BRIP1: variants seen among roughly 807,000 people sequenced by gnomAD.
The protein encoded by BRIP1 is BRCA1 interacting DNA helicase 1, also known as Fanconi anemia group J protein.
BRIP1 carries 88 observed loss-of-function variants against 119.7 expected under a neutral mutation model. That is an observed-to-expected ratio of 0.74 (90% CI 0.62 to 0.88). The LOEUF (loss-of-function observed/expected upper bound fraction) is 0.88. Among genes scored for constraint, BRIP1 ranks in the 40% least tolerant of loss-of-function variants. The pLI, the probability that BRIP1 is intolerant of heterozygous loss-of-function variation, is 0.00. For synonymous variants in BRIP1, 443 were observed against 496.5 expected (o/e 0.89, Z 1.43); for missense variants, 1,259 against 1,455.4 (o/e 0.87, Z 2.20).
In BRIP1 at chr17:61,841,862, G is replaced by T. The variant is rs2145703362; in HGVS notation, c.627+5239C>A. 6.6e-6 allele frequency among the ~76,000 whole-genome samples: 1 copy of T among 152,152 alleles called. No homozygotes were observed. The highest frequency in any genetic ancestry group is 1.9e-4 in the East Asian group (1 of 5,172). On this transcript the variant is annotated intron_variant, in intron 6 of 19. Coordinates refer to ENST00000259008, the MANE Select transcript of BRIP1 (RefSeq NM_032043.3). This position sits in a 1 kb window ranked among gnomAD's most constrained non-coding sequence, Gnocchi z 4.1. ...CCTGGCTAATTTTTTTAAAAATTTT[G>T]TACAGATGGGGTTCTCGCTATGTTG...
At chr17:61,741,979 A>G (rs1200583896) in intron 16 of BRIP1, among the ~76,000 whole-genome samples, 1 of 152,214 alleles carries the variant, frequency 6.6e-6, no homozygotes, top group Non-Finnish European at 1.5e-5. Flanking sequence ...ATCTTCTTTC[A>G]ATAGAAGGCT....
At chr17:61,731,296 A>C (rs1479782365) in intron 16 of BRIP1, among the ~76,000 whole-genome samples, 1 of 152,184 alleles carries the variant, frequency 6.6e-6, no homozygotes, top group Non-Finnish European at 1.5e-5. Context: ...TTATATTCAC[A>C]TCCATTTCCC....
Position 61,681,291 on chromosome 17 carries a change from C to T in BRIP1, c.*2005G>A, listed in dbSNP as rs2061266472. On this transcript the variant is annotated 3_prime_UTR_variant, in exon 20 of 20. Transcript: ENST00000259008. This position sits in a 1 kb window ranked among gnomAD's most constrained non-coding sequence, Gnocchi z 5.1. The stretch of plus-strand genomic sequence containing the variant: ...TTTACTTTTTAAATGAAATAATATG[C>T]TTTATTTTAACCGTTCTGGAACAAA... 1 of 202,912 alleles carries T rather than the reference C, an allele frequency of 4.9e-6. No individual in the cohort carries two copies. The highest frequency in any genetic ancestry group is 2.3e-5 in the African/African-American group (1 of 43,590). 12.6% of individuals were successfully genotyped at this position (202,912 alleles called of 1,614,324 possible). A position where few individuals can be genotyped will look rare whatever the true frequency, so the allele number is the denominator to read the frequency against.
At position 61,851,541 on chromosome 17, in the gene BRIP1, G is replaced by A. The variant is rs751125836; in HGVS notation, c.380-2285C>T. Among the ~76,000 whole-genome samples, 7 of 152,070 alleles carry A rather than the reference G, an allele frequency of 4.6e-5. No homozygotes were observed. Among genetic ancestry groups the A allele is most frequent in the Admixed American group, 2.0e-4 (3 of 15,268 alleles). Reference sequence around the variant, plus strand: ...TTCTTCCTTTCCCCTACAAGCTGTAGGGGCACTTCTATAAAAATATCAAGT... The same window carrying A: ...TTCTTCCTTTCCCCTACAAGCTGTAAGGGCACTTCTATAAAAATATCAAGT... On this transcript the variant is annotated intron_variant, in intron 4 of 19. Transcript: ENST00000259008. The surrounding 1 kb of genome is among the most constrained non-coding windows in gnomAD (Gnocchi z 4.6).
intron 17 of BRIP1, among the ~76,000 whole-genome samples, chr17:61,694,728 GAAAT>G (rs2061497742): frequency 6.6e-6 from 1 of 151,828 alleles, no homozygotes; most frequent in African/African-American, 2.4e-5. Context: ...TAGAAAGTGT[GAAAT>G]AATATTTCAT....
rs2061375437 is a variant in BRIP1 at position 61,687,146 on chromosome 17, G to A, written c.2576-981C>T. On this transcript the variant is annotated intron_variant, in intron 18 of 19. Coordinates refer to ENST00000259008, the MANE Select transcript of BRIP1 (RefSeq NM_032043.3). This position sits in a 1 kb window ranked among gnomAD's most constrained non-coding sequence, Gnocchi z 5.1. ...TCCCAGCATTTGGGGAGGCTGAGGT[G>A]GGAAGATTGCTTGAGGCCAGGAGTT... 6.6e-6 allele frequency among the ~76,000 whole-genome samples: 1 copy of A among 152,092 alleles called. No individual in the cohort carries two copies. The highest frequency in any genetic ancestry group is 1.5e-5 in the Non-Finnish European group (1 of 68,040).
chr17:61,680,160 T>TG lies in BRIP1; in HGVS notation c.*3135dup, dbSNP rs1448316720. 7.0e-6 allele frequency among the ~76,000 whole-genome samples: 1 copy of TG among 143,010 alleles called. No individual in the cohort carries two copies. The highest frequency in any genetic ancestry group is 1.5e-5 in the Non-Finnish European group (1 of 66,330). 93.8% of individuals were successfully genotyped at this position (143,010 alleles called of 152,430 possible). On this transcript the variant is annotated 3_prime_UTR_variant, in exon 20 of 20. Transcript: ENST00000259008. ...GAGTTTGAGACCAGCCTGGCCAACA[T>TG]GGTGAAACCCTGTCGATACTTAAAA...
rs2061418821 is a variant in BRIP1 at position 61,689,643 on chromosome 17, A to G, written c.2576-3478T>C. 6.6e-6 allele frequency among the ~76,000 whole-genome samples: 1 copy of G among 152,170 alleles called. No homozygotes were observed. Among genetic ancestry groups the G allele is most frequent in the Non-Finnish European group, 1.5e-5 (1 of 68,022 alleles). On this transcript the variant is annotated intron_variant, in intron 18 of 19. Transcript: ENST00000259008. The surrounding 1 kb of genome is among the most constrained non-coding windows in gnomAD (Gnocchi z 4.5). The stretch of plus-strand genomic sequence containing the variant: ...AAACACTTTATAATCAAAGTGTCAA[A>G]AGTCAAAGAAAACAATAGAAATTTG...
At chr17:61,819,111 G>A (rs962926755) in intron 6 of BRIP1, among the ~76,000 whole-genome samples, 3 of 151,396 alleles carry the variant, frequency 2.0e-5, no homozygotes, top group East Asian at 1.9e-4. Context: ...ACTTGAACCC[G>A]GGAGGCAGAA....
rs1035887836 is a variant in BRIP1 at position 61,712,386 on chromosome 17, G to T, written c.2492+3565C>A. 6.6e-5 allele frequency among the ~76,000 whole-genome samples: 10 copies of T among 151,902 alleles called. No individual in the cohort carries two copies. In the South Asian group the frequency reaches 1.9e-3, roughly 28 times the overall value. The stretch of plus-strand genomic sequence containing the variant: ...ACACCACCATGCCCAGCTAATTTTT[G>T]TATTTTTAGTAGAGACGGGGTTTCA... On this transcript the variant is annotated intron_variant, in intron 17 of 19. Transcript: ENST00000259008.
At position 61,825,392 on chromosome 17, in the gene BRIP1, A is replaced by G. The variant is rs572424499; in HGVS notation, c.628-16635T>C. On this transcript the variant is annotated intron_variant, in intron 6 of 19. Transcript: ENST00000259008. This position sits in a 1 kb window ranked among gnomAD's most constrained non-coding sequence, Gnocchi z 4.1. ...TGGCCAGGGCAATCTGACAAGAGAA[A>G]GAAATAAAGGGCATCCAAATAGGAA... is the stretch of plus-strand genomic sequence containing the variant. Among the ~76,000 whole-genome samples, 3 of 152,202 alleles carry G rather than the reference A, an allele frequency of 2.0e-5. No homozygotes were observed. The South Asian group carries it at 6.2e-4, about 32-fold the overall frequency.
chr17:61,800,465 G>A (rs1185173230), intron 8 of BRIP1, among the ~76,000 whole-genome samples: 2 of 152,174 alleles, frequency 1.3e-5, no homozygotes, highest in East Asian at 3.8e-4. Context: ...GGAGTATGAG[G>A]TAATTTTTGA....
chr17:61,746,843 G>C lies in BRIP1; in HGVS notation c.2098-2252C>G, dbSNP rs1242513465. Among the ~76,000 whole-genome samples the C allele has an allele frequency of 6.6e-6, 1 of 152,076 alleles. No homozygotes were observed. The highest frequency in any genetic ancestry group is 2.4e-5 in the African/African-American group (1 of 41,424). ...ACAATACTAGAGACCAGATGGACCT[G>C]ACATATATAGAACATTTTACCCAAC... is the stretch of plus-strand genomic sequence containing the variant. On this transcript the variant is annotated intron_variant, in intron 14 of 19. Transcript: ENST00000259008. This position sits in a 1 kb window ranked among gnomAD's most constrained non-coding sequence, Gnocchi z 4.9.
In BRIP1 at chr17:61,758,477, T is replaced by C. The variant is rs77654468; in HGVS notation, c.2098-13886A>G. On this transcript the variant is annotated intron_variant, in intron 14 of 19. Transcript: ENST00000259008. The surrounding 1 kb of genome is among the most constrained non-coding windows in gnomAD (Gnocchi z 5.3). The stretch of plus-strand genomic sequence containing the variant: ...ATTGCCATCTGAATCTGCTGTAAAT[T>C]TGTTGCTCTAAAACTTGAAAGAAAT... Among the ~76,000 whole-genome samples the C allele has an allele frequency of 5.2e-4, 79 of 152,308 alleles. 2 individuals are homozygous for C. In the East Asian group the frequency reaches 0.015, roughly 29 times the overall value.
At chr17:61,820,271 C>T (rs2078300772) in intron 6 of BRIP1, among the ~76,000 whole-genome samples, 1 of 152,154 alleles carries the variant, frequency 6.6e-6, no homozygotes, top group African/African-American at 2.4e-5. Flanking sequence ...CCCTCCTTCC[C>T]ACCTAAAACA....
At position 61,804,446 on chromosome 17, in the gene BRIP1, G is replaced by GTGTGTA. The variant is rs140581962; in HGVS notation, c.919-2973_919-2972insTACACA. Among the ~76,000 whole-genome samples the GTGTGTA allele has an allele frequency of 0.049, 6,923 of 140,740 alleles. 520 individuals are homozygous for GTGTGTA. The highest frequency in any genetic ancestry group is 0.13 in the African/African-American group (4,994 of 39,052). The allele number at this position is 140,740 out of a possible 152,430, so 92.3% of individuals were successfully genotyped here. The stretch of plus-strand genomic sequence containing the variant: ...TGTGTGTGTGTGTGTGTGTGTGTGT[G>GTGTGTA]TATGTGTGTGTACATACACATACAT... On this transcript the variant is annotated intron_variant, in intron 7 of 19. Coordinates refer to ENST00000259008, the MANE Select transcript of BRIP1 (RefSeq NM_032043.3). This position sits in a 1 kb window ranked among gnomAD's most constrained non-coding sequence, Gnocchi z 4.5.
chr17:61,683,634 C>G lies in BRIP1; in HGVS notation c.3412G>C (p.Asp1138His). 1.2e-6 allele frequency: 2 copies of G among 1,612,576 alleles called. No individual in the cohort carries two copies. Among genetic ancestry groups the G allele is most frequent in the Non-Finnish European group, 1.7e-6 (2 of 1,179,928 alleles). The change falls in exon 20 of 20, where the codon GAT (aspartate) becomes CAT (histidine). Residue 1138 changes from aspartate (D) to histidine (H), a missense_variant. Asp to His is a moderately conservative substitution (Grantham distance 81). Around this residue, in one of 3 missense-constraint regions of BRIP1, gnomAD observed 753 missense variants for 891.8 expected, o/e 0.84. Coordinates refer to ENST00000259008, the MANE Select transcript of BRIP1 (RefSeq NM_032043.3). The surrounding 1 kb of genome is among the most constrained non-coding windows in gnomAD (Gnocchi z 4.7). ...TTTTCTTCATCTGTATCTTCAGGAT[C>G]ATAAAGTTCAGGTGTAAAATAGATA... Reference protein sequence around the residue: ...ESIYFTPELYDPEDTDEEKND... With the variant: ...ESIYFTPELYHPEDTDEEKND...
chr17:61,716,832 ATT>A (rs1555581252), intron 16 of BRIP1, among the ~76,000 whole-genome samples: 33 of 151,254 alleles, frequency 2.2e-4, no homozygotes, highest in East Asian at 3.9e-4. Context: ...CCACTACTGG[ATT>A]ATTAGCTATG....
At position 61,780,951 on chromosome 17, in the gene BRIP1, C is replaced by T. The variant is rs1209325148; in HGVS notation, c.1683G>A (p.Gln561=). ...AIQQTYSWTN[Q]IDISDKNGLL... is the part of the protein sequence containing the mutation. ...ACCCATTTTTGTCTGAAATATCAAT[C>T]TGATTTGTCCAGGAGTAAGTCTGTT... The change falls in exon 12 of 20, where the codon CAG becomes CAA. Residue 561 remains glutamine, a synonymous_variant. Transcript: ENST00000259008. This position sits in a 1 kb window ranked among gnomAD's most constrained non-coding sequence, Gnocchi z 5.4. 6.2e-7 allele frequency: 1 copy of T among 1,613,874 alleles called. No individual in the cohort carries two copies. The highest frequency in any genetic ancestry group is 8.5e-7 in the Non-Finnish European group (1 of 1,179,988).
Sources: allele counts gnomAD v4.1 joint callset (sites outside exome capture counted in the v4.1 genomes callset), GRCh38; gene constraint gnomAD v4.1.1; regional missense constraint gnomAD v4.1.1; non-coding constraint Gnocchi (gnomAD v3.1); transcripts MANE v1.5; gene names NCBI Gene and HGNC (gene_info 2026-07-23, HGNC 2026-07-21).